Variants in LRRC27 observed in about 807,000 individuals in gnomAD.
LRRC27 encodes the protein leucine rich repeat containing 27.
Under a neutral mutation model 55.0 loss-of-function variants are expected in LRRC27, and 57 were observed. That is an observed-to-expected ratio of 1.04 (90% CI 0.84 to 1.29). LRRC27 has a LOEUF of 1.29. Among genes scored for constraint, LRRC27 ranks in the 50% most tolerant of loss-of-function variants. The pLI is 0.00. For missense variants in LRRC27, 721 were observed against 651.5 expected (o/e 1.11, Z -1.16); for synonymous variants, 278 against 251.9 (o/e 1.10, Z -0.98).
At chr10:132,361,680 T>A (rs947821989) in intron 9 of LRRC27, 105 bp downstream of exon 9, 5 of 842,622 alleles carry the variant, frequency 5.9e-6, no homozygotes, top group Non-Finnish European at 9.8e-6. Flanking sequence ...GCCCTGAAAC[T>A]CCAGGCTGTG....
At chr10:132,339,824 C>T (rs894994441) in intron 3 of LRRC27, among the ~76,000 whole-genome samples, 9 of 152,178 alleles carry the variant, frequency 5.9e-5, no homozygotes, top group Non-Finnish European at 8.8e-5. Context: ...CTCGTGTTTT[C>T]CCTAAAATAA....
At chr10:132,368,676 C>T (rs1314249941) in intron 10 of LRRC27, among the ~76,000 whole-genome samples, 4 of 147,258 alleles carry the variant, frequency 2.7e-5, no homozygotes, top group Admixed American at 2.0e-4. Flanking sequence ...TAGACCTAAA[C>T]GTAACGTGTT....
intron 5 of LRRC27, 50 bp downstream of exon 5, chr10:132,344,700 CT>C (rs1209605803): frequency 6.3e-6 from 10 of 1,596,322 alleles, no homozygotes; most frequent in Non-Finnish European, 7.7e-6. Flanking sequence ...GAAGTTACAG[CT>C]TTTTAAAATC....
chr10:132,351,802 G>A (rs1179335732), intron 7 of LRRC27, 49 bp downstream of exon 7: 1 of 1,558,734 alleles, frequency 6.4e-7, no homozygotes. Context: ...AGTGCACCCG[G>A]AACTGGGACT....
chr10:132,345,799 G>A (rs767342061), intron 5 of LRRC27, among the ~76,000 whole-genome samples: 14 of 152,104 alleles, frequency 9.2e-5, no homozygotes, highest in Non-Finnish European at 1.6e-4. Flanking sequence ...CAGGAGACAC[G>A]GACAGACCCT....
intron 7 of LRRC27, chr10:132,352,942 C>T: frequency 6.2e-7 from 1 of 1,613,960 alleles, no homozygotes; most frequent in East Asian, 2.2e-5. Context: ...CAGGGAGGTT[C>T]ATTCTTGTGT....
At chr10:132,331,750 T>C (rs764597895), upstream of LRRC27, 4 of 1,611,246 alleles carry the variant, frequency 2.5e-6, no homozygotes, top group African/African-American at 2.7e-5. Context: ...GCTCTCTTCC[T>C]TCCCCTCTGT....
intron 10 of LRRC27, among the ~76,000 whole-genome samples, chr10:132,371,973 C>T (rs771747903): frequency 1.4e-4 from 21 of 152,334 alleles, no homozygotes; most frequent in East Asian, 1.9e-4. Flanking sequence ...GAGGCCAGCA[C>T]GATTTTGCAC....
chr10:132,348,306 G>C lies in LRRC27; in HGVS notation c.876G>C (p.Lys292Asn). The C allele has an allele frequency of 6.2e-7, 1 of 1,614,034 alleles. No individual in the cohort carries two copies. Among genetic ancestry groups the C allele is most frequent in the Non-Finnish European group, 8.5e-7 (1 of 1,180,032 alleles). The change falls in exon 6 of 11, where the codon AAG (lysine) becomes AAC (asparagine). Residue 292 changes from lysine to asparagine, a missense_variant. Transcript: ENST00000368614. The surrounding 1 kb of genome is among the most constrained non-coding windows in gnomAD (Gnocchi z 4.2). ...LLTRELPPNL[K>N]AALNIEKELP... ...CGAGGGAATTACCTCCAAATCTCAA[G>C]GCGGCCTTGAACATTGAGAAAGAAC...
chr10:132,348,483 A>G lies in LRRC27; in HGVS notation c.926+127A>G. 7.7e-7 allele frequency: 1 copy of G among 1,292,972 alleles called. No homozygotes were observed. The highest frequency in any genetic ancestry group is 1.5e-5 in the South Asian group (1 of 68,472). 80.1% of individuals were successfully genotyped at this position (1,292,972 alleles called of 1,614,324 possible). ...TCCACGTTGCCACCGTTTACTGTGC[A>G]GTGAGTGCCGGTCCCAGGTTTAGGG... On this transcript the variant is annotated intron_variant, in intron 6 of 10. Transcript: ENST00000368614. This position sits in a 1 kb window ranked among gnomAD's most constrained non-coding sequence, Gnocchi z 4.2.
intron 2 of LRRC27, chr10:132,335,292 C>T (rs868612539): frequency 6.6e-6 from 1 of 152,216 alleles, no homozygotes; most frequent in Non-Finnish European, 1.5e-5. Flanking sequence ...ATGGGGGTTA[C>T]AGTCTTCCCA....
intron 9 of LRRC27, among the ~76,000 whole-genome samples, chr10:132,364,308 C>T (rs549135677): frequency 1.9e-5 from 2 of 105,292 alleles, no homozygotes; most frequent in African/African-American, 3.1e-5. Flanking sequence ...CACGCCCGCA[C>T]CAACACCCAC....
intron 10 of LRRC27, among the ~76,000 whole-genome samples, 191 bp downstream of exon 10, chr10:132,365,741 A>G (rs575448822): frequency 1.3e-5 from 2 of 152,198 alleles, no homozygotes; most frequent in Admixed American, 1.3e-4. Flanking sequence ...AGCTGGGACA[A>G]GTGTACACCA....
intron 2 of LRRC27, among the ~76,000 whole-genome samples, chr10:132,336,220 G>A (rs189140035): frequency 4.0e-5 from 6 of 151,594 alleles, no homozygotes; most frequent in Non-Finnish European, 7.3e-5. Context: ...TTGCCCTGGG[G>A]GGGGAAGAAC....
chr10:132,365,979 T>C (rs1158391112), intron 10 of LRRC27, among the ~76,000 whole-genome samples: 1 of 152,356 alleles, frequency 6.6e-6, no homozygotes, highest in African/African-American at 2.4e-5. Flanking sequence ...ATGTGTCTTA[T>C]GAGGTGTAGA....
chr10:132,340,203 T>C (rs2067339929), intron 3 of LRRC27, among the ~76,000 whole-genome samples: 1 of 152,208 alleles, frequency 6.6e-6, no homozygotes, highest in African/African-American at 2.4e-5. Flanking sequence ...ATGAAACGAA[T>C]CAACGGGTAA....
intron 3 of LRRC27, among the ~76,000 whole-genome samples, chr10:132,341,748 A>G (rs1046282934): frequency 2.0e-5 from 3 of 152,256 alleles, no homozygotes; most frequent in Non-Finnish European, 4.4e-5. Flanking sequence ...TTCACAGAGC[A>G]TGATAAAACA....
Position 132,344,687 on chromosome 10 carries a change from G to T in LRRC27, c.553+37G>T, listed in dbSNP as rs369400369. 4 of 1,603,244 alleles carry T rather than the reference G, an allele frequency of 2.5e-6. No individual in the cohort carries two copies. In the South Asian group the frequency reaches 4.4e-5, roughly 18 times the overall value. ...GTGATTTATGACAAATCACATTAAC[G>T]TTGAAGTTACAGCTTTTTAAAATCA... On this transcript the variant is annotated intron_variant, in intron 5 of 10. Transcript: ENST00000368614.
Position 132,348,864 on chromosome 10 carries a change from A to C in LRRC27, c.926+508A>C. 2.5e-6 allele frequency: 2 copies of C among 786,458 alleles called. No homozygotes were observed. Among genetic ancestry groups the C allele is most frequent in the East Asian group, 5.4e-5 (2 of 37,040 alleles). The allele number at this position is 786,458 out of a possible 1,614,324, so 48.7% of individuals were successfully genotyped here. On this transcript the variant is annotated intron_variant, in intron 6 of 10. Coordinates refer to ENST00000368614, the MANE Select transcript of LRRC27 (RefSeq NM_030626.3). The surrounding 1 kb of genome is among the most constrained non-coding windows in gnomAD (Gnocchi z 4.2). Reference sequence around the variant, plus strand: ...AATAAATGGCAGCTGCCTGGGGACAAAAGGAAGGCAGTCATTGTGTGGCCC... The same window carrying C: ...AATAAATGGCAGCTGCCTGGGGACACAAGGAAGGCAGTCATTGTGTGGCCC...
Sources: allele counts gnomAD v4.1 joint callset (sites outside exome capture counted in the v4.1 genomes callset), GRCh38; gene constraint gnomAD v4.1.1; non-coding constraint Gnocchi (gnomAD v3.1); transcripts MANE v1.5; gene names NCBI Gene and HGNC (gene_info 2026-07-23, HGNC 2026-07-21).